ANGPT4: variants seen among roughly 807,000 people sequenced by gnomAD.
ANGPT4 encodes the protein angiopoietin 4, also known as angiopoietin-4.
Under a neutral mutation model 53.0 loss-of-function variants are expected in ANGPT4, and 50 were observed. The ratio of observed to expected loss-of-function variants is 0.94; its 90% CI spans 0.75 to 1.20. ANGPT4 has a LOEUF of 1.20. ANGPT4 is among the 50% of genes most tolerant of loss of function. The pLI, the probability that ANGPT4 is intolerant of heterozygous loss-of-function variation, is 0.00. For missense variants in ANGPT4, 648 were observed against 637.1 expected, an observed-to-expected ratio of 1.02 and a Z score of -0.18; for synonymous variants, 251 against 259.7, an observed-to-expected ratio of 0.97 and a Z score of 0.32.
chr20:916,078 G>T lies in ANGPT4; in HGVS notation c.137C>A (p.Thr46Asn). Residue 46 changes from threonine (T) to asparagine (N), a missense_variant, in exon 1 of 9, where the codon ACC becomes AAC. Physicochemically the swap from Thr to Asn is moderately conservative, Grantham distance 65. Transcript: ENST00000381922. Reference sequence around the variant, plus strand: ...GGGCTCAGACTTGGGCAGCAAGAAGGTGTAGCTACAGTGGCCGTGCTGGAC... The same window carrying T: ...GGGCTCAGACTTGGGCAGCAAGAAGTTGTAGCTACAGTGGCCGTGCTGGAC... ...LVVQHGHCSYTFLLPKSEPCP... is the reference protein window; with the variant it reads ...LVVQHGHCSYNFLLPKSEPCP... 1 of 1,614,192 alleles carries T rather than the reference G, an allele frequency of 6.2e-7. No homozygotes were observed. The highest frequency in any genetic ancestry group is 1.1e-5 in the South Asian group (1 of 91,082).
intron 1 of ANGPT4, among the ~76,000 whole-genome samples, chr20:906,703 C>T (rs1982490666): frequency 6.6e-6 from 1 of 152,216 alleles, no homozygotes; most frequent in African/African-American, 2.4e-5. Flanking sequence ...GGGCCTGCAC[C>T]AGGCCCTCAC....
At chr20:873,251 G>T in intron 8 of ANGPT4, 131 bp from the exon 9 acceptor site, 1 of 870,292 alleles carries the variant, frequency 1.1e-6, no homozygotes, top group Non-Finnish European at 1.7e-6. Flanking sequence ...CCAGCTGGCT[G>T]GGGATGGGGC....
At position 871,316 on chromosome 20, in the gene ANGPT4, A is replaced by AG; in HGVS notation, c.*1643dup. 1 of 152,470 alleles carries AG rather than the reference A, an allele frequency of 6.6e-6. No individual in the cohort carries two copies. The highest frequency in any genetic ancestry group is 2.4e-5 in the African/African-American group (1 of 41,576). 9.4% of individuals were successfully genotyped at this position (152,470 alleles called of 1,614,324 possible). A position where few individuals can be genotyped will look rare whatever the true frequency, so the allele number is the denominator to read the frequency against. On this transcript the variant is annotated 3_prime_UTR_variant, in exon 9 of 9. Transcript: ENST00000381922. ...GTGGGACTCAGGGCTGGGGCGAGCC[A>AG]GGGGGATGAAGGGGTCCCATTCCCA...
chr20:874,639 C>T (rs1210616113), intron 7 of ANGPT4, among the ~76,000 whole-genome samples: 1 of 152,212 alleles, frequency 6.6e-6, no homozygotes. Flanking sequence ...TATGCCAGGC[C>T]TCCCCTATCT....
At chr20:873,273 G>C (rs1253956926) in intron 8 of ANGPT4, among the ~76,000 whole-genome samples, 153 bp from the exon 9 acceptor site, 1 of 151,972 alleles carries the variant, frequency 6.6e-6, no homozygotes, top group Non-Finnish European at 1.5e-5. Context: ...GGGTGGGAGT[G>C]GGGGTGGGGT....
Position 881,271 on chromosome 20 carries a change from C to G in ANGPT4, c.851G>C (p.Gly284Ala). ...TGCACAGTCCTGGAACACCTGCTCACCTGCCATTATGAAGGCTGCAAAGGG... is the reference window on the plus strand; with the variant it reads ...TGCACAGTCCTGGAACACCTGCTCAGCTGCCATTATGAAGGCTGCAAAGGG... ...NASAPAFIMA[G>A]EQVFQDCAEI... The change falls in exon 5 of 9, where the codon GGT becomes GCT. Residue 284 changes from glycine (G) to alanine (A), a missense_variant. Coordinates refer to ENST00000381922, the MANE Select transcript of ANGPT4 (RefSeq NM_015985.4). 1 of 1,614,232 alleles carries G rather than the reference C, an allele frequency of 6.2e-7. No homozygotes were observed. The highest frequency in any genetic ancestry group is 1.1e-5 in the South Asian group (1 of 91,084).
chr20:886,146 G>C (rs1451657419), intron 3 of ANGPT4, among the ~76,000 whole-genome samples: 1 of 152,176 alleles, frequency 6.6e-6, no homozygotes, highest in Non-Finnish European at 1.5e-5. Context: ...TAGAAGCAAA[G>C]AGGAGTTTTT....
At chr20:875,037 T>TC (rs143070468) in intron 7 of ANGPT4, among the ~76,000 whole-genome samples, 1,244 of 86,608 alleles carry the variant, frequency 0.014, 23 homozygotes, top group African/African-American at 0.044. Flanking sequence ...TTTTTCTTTC[T>TC]TTTTTTTCTA....
In ANGPT4 at chr20:885,344, A is replaced by G; in HGVS notation, c.588-19T>C. 1 of 1,562,048 alleles carries G rather than the reference A, an allele frequency of 6.4e-7. No homozygotes were observed. The highest frequency in any genetic ancestry group is 8.6e-7 in the Non-Finnish European group (1 of 1,160,192). On this transcript the variant is annotated intron_variant, in intron 3 of 8. Transcript: ENST00000381922. ...GAGCGCGCTGCGGGGTAGGGGGCGC[A>G]CAGAGGTGAGCCTGGCATCCTCGCG...
chr20:909,374 A>C (rs1399879773), intron 1 of ANGPT4, among the ~76,000 whole-genome samples: 2 of 152,172 alleles, frequency 1.3e-5, no homozygotes, highest in African/African-American at 4.8e-5. Context: ...CCTCACAGCA[A>C]ACCCAGGCGA....
At chr20:909,694 CAG>C (rs1380031897) in intron 1 of ANGPT4, among the ~76,000 whole-genome samples, 1 of 152,206 alleles carries the variant, frequency 6.6e-6, no homozygotes, top group African/African-American at 2.4e-5. Flanking sequence ...AACCGAGTCA[CAG>C]AGTGGAAAAG....
At chr20:874,147 CT>C in intron 8 of ANGPT4, 136 bp downstream of exon 8, 1 of 1,331,688 alleles carries the variant, frequency 7.5e-7, no homozygotes. Flanking sequence ...GCCAGGTGAG[CT>C]TATGGGTGGG....
At chr20:912,863 C>T (rs1441313024) in intron 1 of ANGPT4, among the ~76,000 whole-genome samples, 1 of 152,166 alleles carries the variant, frequency 6.6e-6, no homozygotes, top group African/African-American at 2.4e-5. Flanking sequence ...GCTTCCCTTG[C>T]CTCCTTGACA....
Position 916,257 on chromosome 20 carries a change from A to G in ANGPT4, c.-43T>C, listed in dbSNP as rs1160068236. The stretch of plus-strand genomic sequence containing the variant: ...GCGAGGGATGTCTGCTCAGAGCCCT[A>G]GGGGCTGTGCCTGGGATGTCCTGCT... On this transcript the variant is annotated 5_prime_UTR_variant, in exon 1 of 9. Transcript: ENST00000381922. 6.4e-6 allele frequency: 10 copies of G among 1,573,906 alleles called. No individual in the cohort carries two copies. Among genetic ancestry groups the G allele is most frequent in the Non-Finnish European group, 7.8e-6 (9 of 1,155,440 alleles).
rs991237480 is a variant in ANGPT4, at chr20:911,247, A to G, written c.309+4659T>C. Among the ~76,000 whole-genome samples, 1 of 152,198 alleles carries G rather than the reference A, an allele frequency of 6.6e-6. No homozygotes were observed. The highest frequency in any genetic ancestry group is 1.5e-5 in the Non-Finnish European group (1 of 68,030). ...TCACAACTGCCAGGCCGAGGGGCCC[A>G]GTTATTCTGAGGTTTGATGTCAGAG... is the stretch of plus-strand genomic sequence containing the variant. On this transcript the variant is annotated intron_variant, in intron 1 of 8. Coordinates refer to ENST00000381922, the MANE Select transcript of ANGPT4 (RefSeq NM_015985.4). The surrounding 1 kb of genome is among the most constrained non-coding windows in gnomAD (Gnocchi z 4.9).
chr20:875,252 G>T (rs1056604820), intron 7 of ANGPT4, among the ~76,000 whole-genome samples: 1 of 152,126 alleles, frequency 6.6e-6, no homozygotes, highest in African/African-American at 2.4e-5. Flanking sequence ...CGTGCATTTT[G>T]TTCCCCAGCT....
At position 901,838 on chromosome 20, in the gene ANGPT4, C is replaced by T. The variant is rs1432453485; in HGVS notation, c.310-11470G>A. Among the ~76,000 whole-genome samples the T allele has an allele frequency of 3.9e-5, 6 of 152,268 alleles. No homozygotes were observed. In the South Asian group the frequency reaches 1.2e-3, roughly 32 times the overall value. On this transcript the variant is annotated intron_variant, in intron 1 of 8. Transcript: ENST00000381922. ...GCTGAGGCAGGAGGATGGCTTTAGC[C>T]TAGGAGGTGGTTGCAGTGAGCTCTG... is the stretch of plus-strand genomic sequence containing the variant.
intron 1 of ANGPT4, among the ~76,000 whole-genome samples, chr20:903,043 G>T (rs1385567599): frequency 6.6e-6 from 1 of 152,208 alleles, no homozygotes; most frequent in Admixed American, 6.5e-5. Flanking sequence ...TCTTGTGGGT[G>T]TAAGAGGGTC....
In ANGPT4 at chr20:874,008, C is replaced by A. The variant is rs74970872; in HGVS notation, c.1351+276G>T. Among the ~76,000 whole-genome samples the A allele has an allele frequency of 9.9e-3, 1,512 of 152,278 alleles. 25 individuals are homozygous for A. Among genetic ancestry groups the A allele is most frequent in the African/African-American group, 0.031 (1,309 of 41,564 alleles). On this transcript the variant is annotated intron_variant, in intron 8 of 8. Coordinates refer to ENST00000381922, the MANE Select transcript of ANGPT4 (RefSeq NM_015985.4). ...CTGATAGGGTATAGGGTGCCTCCCC[C>A]CCGGGGCCCTGCACTCAGTGTTTCT...
Sources: gnomAD v4.1 joint callset for allele counts (sites outside exome capture counted in the v4.1 genomes callset) on GRCh38, gnomAD v4.1.1 for gene constraint, Gnocchi (gnomAD v3.1) non-coding constraint, MANE v1.5 for transcripts, NCBI Gene and HGNC (gene_info 2026-07-23, HGNC 2026-07-21) for gene names.